Variants in CDYL2 observed in about 807,000 individuals in gnomAD.
CDYL2 encodes chromodomain Y-like protein 2.
In CDYL2, 23 loss-of-function variants were observed where a neutral mutation model predicts 49.4. That is an observed-to-expected ratio of 0.47 (90% CI 0.34 to 0.66). CDYL2 has a LOEUF of 0.66. Among genes scored for constraint, CDYL2 ranks in the 30% least tolerant of loss-of-function variants. The pLI is 0.01. For synonymous variants in CDYL2, 360 were observed against 268.8 expected, an observed-to-expected ratio of 1.34 and a Z score of -3.32; for missense variants, 678 against 656.4, an observed-to-expected ratio of 1.03 and a Z score of -0.36.
chr16:80,799,365 A>G (rs1907858175), intron 1 of CDYL2, among the ~76,000 whole-genome samples: 1 of 152,160 alleles, frequency 6.6e-6, no homozygotes, highest in Non-Finnish European at 1.5e-5. Context: ...TCCCCACTGT[A>G]CCGTAAAATA....
In CDYL2 at chr16:80,793,097, G is replaced by A. The variant is rs542646093; in HGVS notation, c.24+11053C>T. On this transcript the variant is annotated intron_variant, in intron 1 of 6. Transcript: ENST00000570137. ...AACAGCACTCTTCAGCAAACCCTCTGGACACAGTTCTCCATTCCAGAGTCC... is the reference window on the plus strand; with the variant it reads ...AACAGCACTCTTCAGCAAACCCTCTAGACACAGTTCTCCATTCCAGAGTCC... 1.8e-4 allele frequency among the ~76,000 whole-genome samples: 28 copies of A among 152,218 alleles called. No individual in the cohort carries two copies. In the East Asian group the frequency reaches 4.4e-3, roughly 24 times the overall value.
intron 2 of CDYL2, chr16:80,670,862 T>C (rs1014077256): frequency 5.1e-5 from 23 of 455,360 alleles, no homozygotes; most frequent in Non-Finnish European, 9.7e-5. Flanking sequence ...AGGGGCTCTA[T>C]ACACAGCATA....
rs542081500 is a variant in CDYL2 at position 80,655,291 on chromosome 16, T to C, written c.617-22055A>G. Among the ~76,000 whole-genome samples, 587 of 152,370 alleles carry C rather than the reference T, an allele frequency of 3.9e-3. 1 individual carries two copies. The highest frequency in any genetic ancestry group is 5.5e-3 in the Non-Finnish European group (373 of 68,030). ...ATTGGAGCCAGCCATCTCCTCATTTTATTCATTCATTCATTCAAAATCTAG... is the reference window on the plus strand; with the variant it reads ...ATTGGAGCCAGCCATCTCCTCATTTCATTCATTCATTCATTCAAAATCTAG... On this transcript the variant is annotated intron_variant, in intron 2 of 6. Transcript: ENST00000570137.
At chr16:80,735,597 G>T (rs1905492890) in intron 1 of CDYL2, among the ~76,000 whole-genome samples, 1 of 152,194 alleles carries the variant, frequency 6.6e-6, no homozygotes, top group South Asian at 2.1e-4. Context: ...GGAATTCTCA[G>T]AGGCAGCCCA....
intron 1 of CDYL2, among the ~76,000 whole-genome samples, chr16:80,697,552 G>A (rs1006449957): frequency 2.6e-5 from 4 of 152,068 alleles, no homozygotes; most frequent in South Asian, 2.1e-4. Context: ...ACTCAACATA[G>A]TATTGGAAGT....
intron 1 of CDYL2, among the ~76,000 whole-genome samples, chr16:80,803,020 G>C (rs1187919336): frequency 6.6e-6 from 1 of 152,240 alleles, no homozygotes; most frequent in South Asian, 2.1e-4. Context: ...TGGTTTCACG[G>C]AGGCCCAGAA....
intron 2 of CDYL2, among the ~76,000 whole-genome samples, chr16:80,674,795 G>A (rs56108939): frequency 0.062 from 9,513 of 152,280 alleles, 446 homozygotes; most frequent in African/African-American, 0.13. Flanking sequence ...CGTCGTCTGG[G>A]AAGACGACAT....
At chr16:80,642,533 T>C (rs928123266) in intron 2 of CDYL2, among the ~76,000 whole-genome samples, 1 of 152,162 alleles carries the variant, frequency 6.6e-6, no homozygotes, top group African/African-American at 2.4e-5. Flanking sequence ...TATAAGATAT[T>C]ATTTGCAAAC....
At chr16:80,789,854 A>C (rs1226944011) in intron 1 of CDYL2, among the ~76,000 whole-genome samples, 3 of 152,220 alleles carry the variant, frequency 2.0e-5, no homozygotes, top group Non-Finnish European at 2.9e-5. Flanking sequence ...GATGAGACAT[A>C]AACAAAGGGT....
At chr16:80,636,169 C>T (rs1907814810) in intron 2 of CDYL2, among the ~76,000 whole-genome samples, 1 of 152,152 alleles carries the variant, frequency 6.6e-6, no homozygotes, top group African/African-American at 2.4e-5. Context: ...ATGATTAAAA[C>T]ACCAAAAGCA....
In CDYL2 at chr16:80,732,831, C is replaced by T. The variant is rs116739705; in HGVS notation, c.25-47702G>A. The stretch of plus-strand genomic sequence containing the variant: ...ACACTAACCTCTCTTAAGGTCTGCA[C>T]ATTTTCTTTGGATTGGTTATAACCT... On this transcript the variant is annotated intron_variant, in intron 1 of 6. Transcript: ENST00000570137. 4.2e-3 allele frequency among the ~76,000 whole-genome samples: 633 copies of T among 152,064 alleles called. 3 individuals carry two copies. Among genetic ancestry groups the T allele is most frequent in the African/African-American group, 0.015 (608 of 41,536 alleles).
chr16:80,664,603 G>C (rs1425727357), intron 2 of CDYL2, among the ~76,000 whole-genome samples: 1 of 152,204 alleles, frequency 6.6e-6, no homozygotes, highest in Non-Finnish European at 1.5e-5. Context: ...CTGTAGGGGA[G>C]AAAATGATCT....
chr16:80,734,335 G>T (rs752071778), intron 1 of CDYL2, among the ~76,000 whole-genome samples: 5 of 152,148 alleles, frequency 3.3e-5, no homozygotes, highest in Non-Finnish European at 5.9e-5. Context: ...AATCATCTTT[G>T]TGTCTGTACC....
intron 1 of CDYL2, among the ~76,000 whole-genome samples, chr16:80,787,840 T>C (rs1445802743): frequency 3.9e-5 from 6 of 152,188 alleles, no homozygotes; most frequent in African/African-American, 9.7e-5. Context: ...TTAGTAAAGA[T>C]TAGTAATGTG....
At chr16:80,718,645 C>G (rs1190999422) in intron 1 of CDYL2, among the ~76,000 whole-genome samples, 1 of 152,166 alleles carries the variant, frequency 6.6e-6, no homozygotes, top group Non-Finnish European at 1.5e-5. Flanking sequence ...GCTGAAGGAG[C>G]TGGAAGTCCA....
intron 2 of CDYL2, among the ~76,000 whole-genome samples, chr16:80,643,836 C>T (rs1908213674): frequency 6.6e-6 from 1 of 152,248 alleles, no homozygotes; most frequent in African/African-American, 2.4e-5. Flanking sequence ...CCCTAGGCCT[C>T]CAGGCCTGTG....
chr16:80,765,991 T>A (rs191027793), intron 1 of CDYL2, among the ~76,000 whole-genome samples: 1 of 150,808 alleles, frequency 6.6e-6, no homozygotes, highest in East Asian at 2.0e-4. Flanking sequence ...TGATCACACA[T>A]CGCATGATTC....
rs78753087 is a variant in CDYL2 at position 80,681,315 on chromosome 16, G to C, written c.616+3223C>G. Among the ~76,000 whole-genome samples, 39 of 152,300 alleles carry C rather than the reference G, an allele frequency of 2.6e-4. No individual in the cohort carries two copies. In the East Asian group the frequency reaches 6.8e-3, roughly 26 times the overall value. ...CAGTGCTCACCCTTGGGCCCCTGGA[G>C]ACTGGATCCTTTAGTCCAGATAAGG... On this transcript the variant is annotated intron_variant, in intron 2 of 6. Coordinates refer to ENST00000570137, the MANE Select transcript of CDYL2 (RefSeq NM_152342.4).
At chr16:80,739,934 C>T (rs1457441937) in intron 1 of CDYL2, among the ~76,000 whole-genome samples, 3 of 152,308 alleles carry the variant, frequency 2.0e-5, no homozygotes, top group South Asian at 2.1e-4. Context: ...AAAGCTGAGT[C>T]ACGTACATTG....
Sources: gnomAD v4.1 joint callset for allele counts (sites outside exome capture counted in the v4.1 genomes callset) on GRCh38, gnomAD v4.1.1 for gene constraint, MANE v1.5 for transcripts, NCBI Gene and HGNC (gene_info 2026-07-23, HGNC 2026-07-21) for gene names.